Variants in MAGI3 observed in about 807,000 individuals in gnomAD.
The protein encoded by MAGI3 is membrane associated guanylate kinase, WW and PDZ domain containing 3.
A neutral mutation model predicts 121.8 loss-of-function variants in MAGI3; 43 were observed. The ratio of observed to expected loss-of-function variants is 0.35; its 90% CI spans 0.28 to 0.46. MAGI3 has a LOEUF of 0.46. Ranked by LOEUF, MAGI3 falls within the 20% of genes least tolerant of loss-of-function variation. The probability of loss-of-function intolerance (pLI) is 1.00; values close to 1 mark genes in which losing one functional copy is unlikely to be tolerated. For synonymous variants in MAGI3, 553 were observed against 639.3 expected (o/e 0.86, Z 2.04); for missense variants, 1,547 against 1,797.3 (o/e 0.86, Z 2.52).
intron 1 of MAGI3, among the ~76,000 whole-genome samples, chr1:113,405,339 C>T (rs1051403948): frequency 1.3e-5 from 2 of 151,738 alleles, no homozygotes; most frequent in East Asian, 1.9e-4. Flanking sequence ...GGTAACTGGG[C>T]ATGGTGGTGT....
At chr1:113,433,909 A>G (rs995754514) in intron 1 of MAGI3, among the ~76,000 whole-genome samples, 21 of 152,172 alleles carry the variant, frequency 1.4e-4, no homozygotes, top group African/African-American at 5.1e-4. Context: ...TTTGTGATTT[A>G]ATTTGATTAC....
At chr1:113,555,119 A>T (rs1018888913) in intron 2 of MAGI3, among the ~76,000 whole-genome samples, 5 of 150,930 alleles carry the variant, frequency 3.3e-5, no homozygotes, top group African/African-American at 7.3e-5. Flanking sequence ...GCTGCAAGGA[A>T]AAAAAAAAAC....
At chr1:113,628,044 CT>C (rs1171572415) in intron 9 of MAGI3, among the ~76,000 whole-genome samples, 2 of 152,010 alleles carry the variant, frequency 1.3e-5, no homozygotes, top group Admixed American at 6.6e-5. Context: ...TCAGTAAGGA[CT>C]TACTCCTGCC....
chr1:113,480,319 G>A (rs1656048610), intron 1 of MAGI3, among the ~76,000 whole-genome samples: 1 of 152,186 alleles, frequency 6.6e-6, no homozygotes, highest in Admixed American at 6.5e-5. Flanking sequence ...TATAGGGAGG[G>A]CTTGCCTAGT....
chr1:113,574,267 C>T (rs12021513), intron 2 of MAGI3, among the ~76,000 whole-genome samples: 45,442 of 151,928 alleles, frequency 0.3, 7,479 homozygotes, highest in East Asian at 0.65. Context: ...GCACATTAGT[C>T]GATGCAGTTT....
chr1:113,513,732 C>A (rs1423615361), intron 1 of MAGI3, among the ~76,000 whole-genome samples: 1 of 152,136 alleles, frequency 6.6e-6, no homozygotes, highest in Non-Finnish European at 1.5e-5. Context: ...GACTTCATGT[C>A]TAAAACACCA....
chr1:113,561,239 G>C (rs1411355063), intron 2 of MAGI3, among the ~76,000 whole-genome samples: 1 of 152,142 alleles, frequency 6.6e-6, no homozygotes, highest in Non-Finnish European at 1.5e-5. Context: ...CAATTGAAAA[G>C]GAGGGACTCC....
intron 1 of MAGI3, among the ~76,000 whole-genome samples, chr1:113,515,158 G>A (rs564688429): frequency 1.3e-5 from 2 of 151,960 alleles, no homozygotes; most frequent in African/African-American, 2.4e-5. Context: ...AGTAAAAATG[G>A]TAAAAAAAAA....
chr1:113,519,168 A>T (rs889052598), intron 1 of MAGI3, among the ~76,000 whole-genome samples: 2 of 151,898 alleles, frequency 1.3e-5, no homozygotes, highest in Non-Finnish European at 2.9e-5. Context: ...GCCGATTGGG[A>T]TTTATGTGAA....
rs1043396930 is a variant in MAGI3 at position 113,408,162 on chromosome 1, G to A, written c.316+16813G>A. The stretch of plus-strand genomic sequence containing the variant: ...AAGTTCCGTACTTCAAAGTAATTCA[G>A]CCTTTGACTTCTGTGTCAATTTTCT... On this transcript the variant is annotated intron_variant, in intron 1 of 20. Coordinates refer to ENST00000307546, the MANE Select transcript of MAGI3 (RefSeq NM_001142782.2). Among the ~76,000 whole-genome samples, 3 of 152,052 alleles carry A rather than the reference G, an allele frequency of 2.0e-5. 1 individual carries two copies. The East Asian group carries it at 5.8e-4, about 29-fold the overall frequency.
chr1:113,466,183 G>T (rs1207486343), intron 1 of MAGI3, among the ~76,000 whole-genome samples: 2 of 151,976 alleles, frequency 1.3e-5, no homozygotes, highest in Non-Finnish European at 2.9e-5. Context: ...TATACCCTTT[G>T]TGATGAGGAT....
chr1:113,533,036 C>T (rs1225452194), intron 1 of MAGI3, among the ~76,000 whole-genome samples: 3 of 152,112 alleles, frequency 2.0e-5, no homozygotes, highest in Non-Finnish European at 4.4e-5. Flanking sequence ...CTATTGGTCT[C>T]GTTACCTGTG....
intron 1 of MAGI3, among the ~76,000 whole-genome samples, chr1:113,505,902 C>T (rs555720536): frequency 6.6e-6 from 1 of 152,076 alleles, no homozygotes; most frequent in Non-Finnish European, 1.5e-5. Flanking sequence ...TCTTGTAGGG[C>T]GTTGTCACCC....
At chr1:113,472,487 A>C (rs1655588518) in intron 1 of MAGI3, among the ~76,000 whole-genome samples, 1 of 152,160 alleles carries the variant, frequency 6.6e-6, no homozygotes, top group African/African-American at 2.4e-5. Context: ...CTTTACATTT[A>C]AAATAATTGT....
intron 1 of MAGI3, among the ~76,000 whole-genome samples, chr1:113,438,130 T>A (rs1570676321): frequency 2.0e-5 from 3 of 152,050 alleles, no homozygotes; most frequent in Admixed American, 2.0e-4. Flanking sequence ...TGTTTGAGGC[T>A]GGGGTGACAA....
intron 1 of MAGI3, among the ~76,000 whole-genome samples, chr1:113,474,743 G>A (rs1570728285): frequency 6.6e-6 from 1 of 152,270 alleles, no homozygotes; most frequent in African/African-American, 2.4e-5. Context: ...GGTTCCATAT[G>A]AAGTTTAAAG....
At chr1:113,594,235 AT>A (rs1333849720) in intron 5 of MAGI3, among the ~76,000 whole-genome samples, 1 of 152,204 alleles carries the variant, frequency 6.6e-6, no homozygotes, top group Non-Finnish European at 1.5e-5. Context: ...CATACTTGGC[AT>A]TTTAGGCCTT....
chr1:113,412,779 C>G (rs970784314), intron 1 of MAGI3, among the ~76,000 whole-genome samples: 1 of 151,850 alleles, frequency 6.6e-6, no homozygotes, highest in African/African-American at 2.4e-5. Flanking sequence ...GGATATTAGC[C>G]CTTTGTCAGA....
At chr1:113,405,131 C>T (rs1342376093) in intron 1 of MAGI3, among the ~76,000 whole-genome samples, 4 of 151,986 alleles carry the variant, frequency 2.6e-5, no homozygotes, top group South Asian at 2.1e-4. Flanking sequence ...GCAGGGTATT[C>T]GTAACTTGTA....
Sources: allele counts gnomAD v4.1 joint callset (sites outside exome capture counted in the v4.1 genomes callset), GRCh38; gene constraint gnomAD v4.1.1; transcripts MANE v1.5; gene names NCBI Gene and HGNC (gene_info 2026-07-23, HGNC 2026-07-21).